TOP1MT: variants seen among roughly 807,000 people sequenced by gnomAD.
TOP1MT encodes the protein DNA topoisomerase I mitochondrial.
In TOP1MT, 80 loss-of-function variants were observed where a neutral mutation model predicts 73.9. That is an observed-to-expected ratio of 1.08 (90% CI 0.90 to 1.30). The LOEUF (loss-of-function observed/expected upper bound fraction) is 1.30, where lower values mean the gene tolerates loss of function less well. TOP1MT is among the 50% of genes most tolerant of loss of function. TOP1MT has a pLI of 0.00. For synonymous variants in TOP1MT, 338 were observed against 326.4 expected (o/e 1.04, Z -0.38); for missense variants, 815 against 808.0 (o/e 1.01, Z -0.10).
At chr8:143,325,046 A>G (rs1816667307) in intron 5 of TOP1MT, among the ~76,000 whole-genome samples, 1 of 152,252 alleles carries the variant, frequency 6.6e-6, no homozygotes. Flanking sequence ...CAATAAGTTC[A>G]AAACACCTAA....
chr8:143,341,271 G>A lies in TOP1MT; in HGVS notation c.29+1949C>T, dbSNP rs764659571. Among the ~76,000 whole-genome samples, 33 of 151,948 alleles carry A rather than the reference G, an allele frequency of 2.2e-4. No individual in the cohort carries two copies. Among genetic ancestry groups the A allele is most frequent in the African/African-American group, 3.4e-4 (14 of 41,354 alleles). The stretch of plus-strand genomic sequence containing the variant: ...TTCCACACAGCCCTTGCCCCGGCCA[G>A]TGTCTGTGAGCTCACAGTCCAGGTC... On this transcript the variant is annotated intron_variant, in intron 2 of 5. Coordinates refer to the TOP1MT transcript ENST00000518007. The surrounding 1 kb of genome is among the most constrained non-coding windows in gnomAD (Gnocchi z 4.1).
At chr8:143,349,022 C>G (rs897782879), upstream of TOP1MT, among the ~76,000 whole-genome samples, 14 of 152,118 alleles carry the variant, frequency 9.2e-5, no homozygotes, top group African/African-American at 3.4e-4. Flanking sequence ...GGCAGAACCG[C>G]GGTCTCCAGG....
chr8:143,335,895 G>C (rs1816974380), upstream of TOP1MT, among the ~76,000 whole-genome samples: 1 of 152,232 alleles, frequency 6.6e-6, no homozygotes, highest in African/African-American at 2.4e-5. Flanking sequence ...GGCTGCAATT[G>C]CTCGCTCTTA....
intron 3 of TOP1MT, among the ~76,000 whole-genome samples, chr8:143,328,015 A>G (rs1816752748): frequency 6.6e-6 from 1 of 152,216 alleles, no homozygotes; most frequent in South Asian, 2.1e-4. Flanking sequence ...TCTTAGACAA[A>G]ACAACAAAAG....
At chr8:143,315,349 G>A (rs1816127971) in intron 12 of TOP1MT, among the ~76,000 whole-genome samples, 1 of 152,300 alleles carries the variant, frequency 6.6e-6, no homozygotes, top group South Asian at 2.1e-4. Context: ...AAATAATGGC[G>A]TAAACTGTTC....
At chr8:143,353,236 G>A (rs766843215) in intron 1 of TOP1MT, among the ~76,000 whole-genome samples, 5 of 152,084 alleles carry the variant, frequency 3.3e-5, no homozygotes, top group Admixed American at 6.6e-5. Context: ...GCAAAATGGG[G>A]AGACCCCATC....
intron 1 of TOP1MT, chr8:143,350,356 G>A (rs1817300074): frequency 6.6e-6 from 1 of 152,126 alleles, no homozygotes; most frequent in Non-Finnish European, 1.5e-5. Flanking sequence ...TTTTAAGACT[G>A]AGTCTCGTTC....
chr8:143,343,609 T>C (rs898067531), intron 1 of TOP1MT: 4 of 213,986 alleles, frequency 1.9e-5, no homozygotes, highest in Non-Finnish European at 3.9e-5. Context: ...TCTGGGACCA[T>C]CTCTGTCCCC....
intron 1 of TOP1MT, among the ~76,000 whole-genome samples, chr8:143,350,801 C>G (rs1269854176): frequency 6.6e-6 from 1 of 152,190 alleles, no homozygotes; most frequent in Non-Finnish European, 1.5e-5. Flanking sequence ...CTGCAATCTA[C>G]TTCAATTTAA....
chr8:143,339,243 C>G (rs1817032929), upstream of TOP1MT, among the ~76,000 whole-genome samples: 1 of 152,220 alleles, frequency 6.6e-6, no homozygotes, highest in Non-Finnish European at 1.5e-5. Context: ...TCAACTATTT[C>G]AACCAAAATA....
chr8:143,331,447 T>C lies in TOP1MT; in HGVS notation c.123-108A>G. 3.4e-6 allele frequency: 3 copies of C among 873,948 alleles called. No individual in the cohort carries two copies. In the South Asian group the frequency reaches 5.2e-5, roughly 15 times the overall value. The allele number at this position is 873,948 out of a possible 1,614,324, so 54.1% of individuals were successfully genotyped here. On this transcript the variant is annotated intron_variant, in intron 1 of 13. Transcript: ENST00000329245. ...TGTGGCTCCTAGCAGGTGAGCAGTGTGGCCTCCACCTCACGGGGGAGGAAA... is the reference window on the plus strand; with the variant it reads ...TGTGGCTCCTAGCAGGTGAGCAGTGCGGCCTCCACCTCACGGGGGAGGAAA...
upstream of TOP1MT, among the ~76,000 whole-genome samples, chr8:143,336,735 C>T (rs1816988456): frequency 2.0e-5 from 3 of 152,174 alleles, no homozygotes; most frequent in South Asian, 6.2e-4. Flanking sequence ...GTAATCCAAG[C>T]ACTTTGGGAG....
At chr8:143,359,268 G>C (rs184932598), upstream of TOP1MT, 192 of 985,184 alleles carry the variant, frequency 1.9e-4, 1 homozygote, top group African/African-American at 3.1e-3. Flanking sequence ...GCAAACCTGA[G>C]GTGTTACAAG....
intron 12 of TOP1MT, among the ~76,000 whole-genome samples, chr8:143,314,529 G>A (rs529171355): frequency 6.6e-6 from 1 of 150,852 alleles, no homozygotes; most frequent in South Asian, 2.1e-4. Context: ...GGGAGGCGGA[G>A]GTTGCAGTGA....
upstream of TOP1MT, among the ~76,000 whole-genome samples, chr8:143,337,055 A>G (rs1816993640): frequency 6.6e-6 from 1 of 152,248 alleles, no homozygotes; most frequent in Non-Finnish European, 1.5e-5. Flanking sequence ...ACTGTAAAAC[A>G]TTGCCCAAAG....
chr8:143,357,943 C>G (rs1817439697), upstream of TOP1MT, among the ~76,000 whole-genome samples: 1 of 151,362 alleles, frequency 6.6e-6, no homozygotes, highest in African/African-American at 2.4e-5. Flanking sequence ...AAAAAATTAG[C>G]TGGGCATGGT....
At chr8:143,342,867 C>A (rs775499459) in intron 2 of TOP1MT, among the ~76,000 whole-genome samples, 1 of 150,560 alleles carries the variant, frequency 6.6e-6, no homozygotes, top group Non-Finnish European at 1.5e-5. Context: ...TCACTGCAAC[C>A]TCTGCCTCCC....
At chr8:143,315,032 G>A (rs1215737248) in intron 12 of TOP1MT, among the ~76,000 whole-genome samples, 2 of 152,112 alleles carry the variant, frequency 1.3e-5, no homozygotes, top group African/African-American at 2.4e-5. Context: ...CCTATTGCCA[G>A]GCCAACCATG....
chr8:143,309,444 G>A lies in TOP1MT; in HGVS notation c.1803C>T (p.Phe601=). 1 of 1,613,574 alleles carries A rather than the reference G, an allele frequency of 6.2e-7. No individual in the cohort carries two copies. The highest frequency in any genetic ancestry group is 1.1e-5 in the South Asian group (1 of 91,086). The stretch of plus-strand genomic sequence containing the variant: ...GAAGTTTCAACACGGCTCGTCGTTA[G>A]AATTCAAAGTCTTCTCCTGCCATGG... The part of the protein sequence containing the change: ...ALAMAGEDFE[F] The change falls in exon 14 of 14, where the codon TTC becomes TTT. Residue 601 remains phenylalanine (F), a synonymous_variant. Transcript: ENST00000329245.
Sources: gnomAD v4.1 joint callset for allele counts (sites outside exome capture counted in the v4.1 genomes callset) on GRCh38, gnomAD v4.1.1 for gene constraint, Gnocchi (gnomAD v3.1) non-coding constraint, MANE v1.5 for transcripts, NCBI Gene and HGNC (gene_info 2026-07-23, HGNC 2026-07-21) for gene names.